Variants in OR1B1 observed in about 807,000 individuals in gnomAD.
OR1B1 encodes the protein olfactory receptor 1B1.
For synonymous variants in OR1B1, 168 were observed against 156.2 expected, an observed-to-expected ratio of 1.08 and a Z score of -0.57; for missense variants, 414 against 402.1, an observed-to-expected ratio of 1.03 and a Z score of -0.25.
chr9:122,651,787 ATCATT>A, the OR1B1 span, among the ~76,000 whole-genome samples: 50 of 152,330 alleles, frequency 3.3e-4, no homozygotes, highest in East Asian at 3.5e-3. Flanking sequence ...TTTTGAAATT[ATCATT>A]TCAGATATAT....
At chr9:122,654,511 C>T in the OR1B1 span, among the ~76,000 whole-genome samples, 1 of 152,162 alleles carries the variant, frequency 6.6e-6, no homozygotes, top group East Asian at 1.9e-4. Context: ...TTTCAATGAC[C>T]TCTGAAGATA....
At chr9:122,638,562 C>T in the OR1B1 span, among the ~76,000 whole-genome samples, 13 of 152,162 alleles carry the variant, frequency 8.5e-5, no homozygotes, top group Non-Finnish European at 1.6e-4. Context: ...TATGGAGAAC[C>T]CAGAATTAGG....
exon 1 of OR1B1, chr9:122,628,604 A>G (rs1830164784): frequency 1.9e-6 from 3 of 1,612,376 alleles, no homozygotes; most frequent in Non-Finnish European, 2.5e-6. Flanking sequence ...CACCCATTCA[A>G]GCAGCCTGCA....
chr9:122,640,346 C>T, the OR1B1 span, among the ~76,000 whole-genome samples: 32 of 152,114 alleles, frequency 2.1e-4, no homozygotes, highest in Admixed American at 2.6e-4. Flanking sequence ...ACCAGAAGAA[C>T]ATGTCCAGTT....
At chr9:122,629,287 C>G (rs756994355) in exon 1 of OR1B1, 1 of 1,614,078 alleles carries the variant, frequency 6.2e-7, no homozygotes, top group East Asian at 2.2e-5. Flanking sequence ...AATGGGCCAG[C>G]AACTGGGGCA....
the OR1B1 span, among the ~76,000 whole-genome samples, chr9:122,650,805 C>G: frequency 6.6e-6 from 1 of 151,986 alleles, no homozygotes; most frequent in African/African-American, 2.4e-5. Flanking sequence ...GGGCGGATCA[C>G]GAGGTCAGGA....
At chr9:122,651,341 T>C in the OR1B1 span, among the ~76,000 whole-genome samples, 1 of 152,218 alleles carries the variant, frequency 6.6e-6, no homozygotes, top group African/African-American at 2.4e-5. Flanking sequence ...ATCCACCTTC[T>C]AGCTATTCGA....
chr9:122,649,411 T>C, the OR1B1 span, among the ~76,000 whole-genome samples: 1 of 152,288 alleles, frequency 6.6e-6, no homozygotes, highest in Admixed American at 6.5e-5. Flanking sequence ...TGGGATCTAA[T>C]TAAACTAAAG....
the OR1B1 span, among the ~76,000 whole-genome samples, chr9:122,655,985 A>G: frequency 6.6e-6 from 1 of 152,140 alleles, no homozygotes; most frequent in African/African-American, 2.4e-5. Context: ...ACATTTACCA[A>G]TAATATTACA....
chr9:122,628,202 C>T (rs1020246910), downstream of OR1B1, among the ~76,000 whole-genome samples: 22 of 152,136 alleles, frequency 1.4e-4, no homozygotes, highest in African/African-American at 5.3e-4. Flanking sequence ...AGAACACACA[C>T]CAACCTAAAT....
chr9:122,635,921 G>A, the OR1B1 span, among the ~76,000 whole-genome samples: 1 of 152,270 alleles, frequency 6.6e-6, no homozygotes, highest in Middle Eastern at 3.4e-3. Context: ...AGAGATTCTA[G>A]AAAATCAGGA....
the OR1B1 span, among the ~76,000 whole-genome samples, chr9:122,656,279 A>G: frequency 1.3e-5 from 2 of 152,218 alleles, no homozygotes; most frequent in Non-Finnish European, 2.9e-5. Flanking sequence ...ATACATAGAC[A>G]AAGACAATTT....
At chr9:122,629,604 T>C, upstream of OR1B1, 1 of 920,732 alleles carries the variant, frequency 1.1e-6, no homozygotes, top group Non-Finnish European at 1.7e-6. Context: ...ATGTTAGGGA[T>C]CATAGCATTT....
At chr9:122,637,931 C>G in the OR1B1 span, among the ~76,000 whole-genome samples, 1 of 152,098 alleles carries the variant, frequency 6.6e-6, no homozygotes, top group African/African-American at 2.4e-5. Context: ...ATAGGTAATT[C>G]AGTTAAATAT....
the OR1B1 span, among the ~76,000 whole-genome samples, chr9:122,635,826 G>A: frequency 1.3e-5 from 2 of 151,950 alleles, no homozygotes; most frequent in East Asian, 1.9e-4. Flanking sequence ...ACTATGTTAG[G>A]GAAACCACTG....
upstream of OR1B1, among the ~76,000 whole-genome samples, chr9:122,630,068 C>A (rs150941995): frequency 1.3e-5 from 2 of 152,154 alleles, no homozygotes; most frequent in African/African-American, 4.8e-5. Context: ...AGGTCTGGAA[C>A]AAGACAAGGA....
downstream of OR1B1, chr9:122,628,552 T>TA (rs760604666): frequency 2.8e-5 from 41 of 1,448,538 alleles, no homozygotes; most frequent in South Asian, 4.5e-4. Context: ...TTTTCTCACC[T>TA]ATTCAATATG....
At chr9:122,651,580 ATTG>A in the OR1B1 span, among the ~76,000 whole-genome samples, 2 of 152,030 alleles carry the variant, frequency 1.3e-5, no homozygotes, top group African/African-American at 2.4e-5. Context: ...ACCTCAAAAT[ATTG>A]TTGATTTTTT....
chr9:122,652,841 A>ATAAC, the OR1B1 span, among the ~76,000 whole-genome samples: 1 of 152,210 alleles, frequency 6.6e-6, no homozygotes, highest in Non-Finnish European at 1.5e-5. Context: ...ATATAGGGGA[A>ATAAC]TAACTTTCAT....
Sources: allele counts gnomAD v4.1 joint callset (sites outside exome capture counted in the v4.1 genomes callset), GRCh38; gene constraint gnomAD v4.1.1; transcripts MANE v1.5; gene names NCBI Gene and HGNC (gene_info 2026-07-23, HGNC 2026-07-21).